The following MMP26 variants were observed in gnomAD, a reference collection of about 807,000 sequenced individuals.
MMP26 encodes matrix metalloproteinase-26.
In MMP26, 33 loss-of-function variants were observed where a neutral mutation model predicts 31.0. The ratio of observed to expected loss-of-function variants is 1.06; its 90% CI spans 0.81 to 1.42. MMP26 has a LOEUF of 1.42. MMP26 is among the 40% of genes most tolerant of loss of function. The probability of loss-of-function intolerance (pLI) is 0.00; values close to 1 mark genes in which losing one functional copy is unlikely to be tolerated. For missense variants in MMP26, 347 were observed against 316.1 expected, an observed-to-expected ratio of 1.10 and a Z score of -0.74; for synonymous variants, 122 against 114.9, an observed-to-expected ratio of 1.06 and a Z score of -0.40.
At chr11:4,829,555 T>G (rs1176646090) in intron 2 of MMP26, among the ~76,000 whole-genome samples, 2 of 152,212 alleles carry the variant, frequency 1.3e-5, no homozygotes, top group Non-Finnish European at 2.9e-5. Context: ...ACAATTTCCC[T>G]TCTGAACGTG....
At chr11:4,738,861 C>A (rs925293143) in intron 1 of MMP26, among the ~76,000 whole-genome samples, 1 of 152,034 alleles carries the variant, frequency 6.6e-6, no homozygotes. Flanking sequence ...TATATGTAGC[C>A]TTTTAAGGAA....
intron 2 of MMP26, among the ~76,000 whole-genome samples, chr11:4,968,584 A>G (rs1378991990): frequency 6.6e-6 from 1 of 151,996 alleles, no homozygotes; most frequent in Non-Finnish European, 1.5e-5. Context: ...CATAAATAGC[A>G]TAAAATGTAG....
At chr11:4,815,825 A>G (rs1474710877) in intron 2 of MMP26, among the ~76,000 whole-genome samples, 1 of 152,244 alleles carries the variant, frequency 6.6e-6, no homozygotes, top group Non-Finnish European at 1.5e-5. Flanking sequence ...ATATGGCCTC[A>G]GACAGGAGTG....
chr11:4,942,089 C>CAAAAAAAAA lies in MMP26; in HGVS notation c.-144-45966_-144-45958dup, dbSNP rs201626472. On this transcript the variant is annotated intron_variant, in intron 2 of 7. Transcript: ENST00000380390. The stretch of plus-strand genomic sequence containing the variant: ...TGGGCAGCAGAATGAGAGTCCATCT[C>CAAAAAAAAA]AAAAAAAAAAAAAAAAAAAAAGGAA... 1.0e-3 allele frequency among the ~76,000 whole-genome samples: 37 copies of CAAAAAAAAA among 37,118 alleles called. 2 individuals carry two copies. The highest frequency in any genetic ancestry group is 2.7e-3 in the African/African-American group (24 of 8,948). 24.4% of individuals were successfully genotyped at this position (37,118 alleles called of 152,430 possible). A position where few individuals can be genotyped will look rare whatever the true frequency, so the allele number is the denominator to read the frequency against.
intron 2 of MMP26, chr11:4,937,920 A>G (rs1028165931): frequency 6.6e-6 from 1 of 152,240 alleles, no homozygotes; most frequent in African/African-American, 2.4e-5. Context: ...GGATTGCCAC[A>G]TACCAGTCAA....
intron 1 of MMP26, among the ~76,000 whole-genome samples, chr11:4,733,560 T>C (rs1198728625): frequency 1.3e-5 from 2 of 152,188 alleles, no homozygotes; most frequent in African/African-American, 2.4e-5. Flanking sequence ...TTAGTTTTAA[T>C]ATTTAGTAGA....
intron 2 of MMP26, among the ~76,000 whole-genome samples, chr11:4,829,698 A>G (rs745629738): frequency 6.6e-6 from 1 of 152,190 alleles, no homozygotes; most frequent in Non-Finnish European, 1.5e-5. Context: ...CCTATGATAA[A>G]TTAGAGACCT....
At chr11:4,899,112 C>T (rs1193704203) in intron 2 of MMP26, among the ~76,000 whole-genome samples, 1 of 152,078 alleles carries the variant, frequency 6.6e-6, no homozygotes, top group Non-Finnish European at 1.5e-5. Flanking sequence ...GAGACAAGTT[C>T]ATTTTGATTA....
intron 1 of MMP26, chr11:4,711,443 A>T (rs1847861291): frequency 6.6e-6 from 1 of 152,206 alleles, no homozygotes; most frequent in South Asian, 2.1e-4. Flanking sequence ...CTTGCATTTT[A>T]TAAATGTTCA....
rs1351479945 is a variant in MMP26, at chr11:4,898,825, CTCTCTCTGTG to C, written c.-144-89241_-144-89232del. Among the ~76,000 whole-genome samples the C allele has an allele frequency of 2.3e-3, 118 of 51,002 alleles. 1 individual carries two copies. Among genetic ancestry groups the C allele is most frequent in the Non-Finnish European group, 2.1e-3 (57 of 26,830 alleles). The allele number at this position is 51,002 out of a possible 152,430, so 33.5% of individuals were successfully genotyped here. A position where few individuals can be genotyped will look rare whatever the true frequency, so the allele number is the denominator to read the frequency against. ...ATTTAAGAAATCTCTCTCTCTCTCT[CTCTCTCTGTG>C]TGTGTGTGTGTGTGTGTGTGTGTGT... is the stretch of plus-strand genomic sequence containing the variant. On this transcript the variant is annotated intron_variant, in intron 2 of 7. Transcript: ENST00000380390.
intron 2 of MMP26, among the ~76,000 whole-genome samples, chr11:4,884,812 C>CTA (rs1248085993): frequency 6.6e-6 from 1 of 151,994 alleles, no homozygotes; most frequent in African/African-American, 2.4e-5. Context: ...GCTAAAAAGC[C>CTA]TAATAGAAAC....
chr11:4,790,804 C>G (rs1849015797), intron 2 of MMP26, among the ~76,000 whole-genome samples: 1 of 152,120 alleles, frequency 6.6e-6, no homozygotes, highest in Admixed American at 6.5e-5. Context: ...CATGCCAACT[C>G]AATATTTCTT....
At chr11:4,779,414 T>G (rs1462749363) in intron 2 of MMP26, among the ~76,000 whole-genome samples, 1 of 152,100 alleles carries the variant, frequency 6.6e-6, no homozygotes, top group African/African-American at 2.4e-5. Context: ...TTGAAAGTTT[T>G]GCCTCTAAGT....
intron 2 of MMP26, chr11:4,945,387 A>G (rs1470213830): frequency 2.6e-5 from 4 of 152,222 alleles, no homozygotes; most frequent in Admixed American, 6.5e-5. Context: ...ATTAATGAGT[A>G]TCTGACGACG....
At chr11:4,945,706 A>C (rs1002042564) in intron 2 of MMP26, 2 of 206,498 alleles carry the variant, frequency 9.7e-6, no homozygotes, top group Non-Finnish European at 2.0e-5. Flanking sequence ...CCATGTAAAA[A>C]TCCAGCACAT....
intron 2 of MMP26, chr11:4,907,679 A>T: frequency 6.2e-7 from 1 of 1,613,990 alleles, no homozygotes; most frequent in Non-Finnish European, 8.5e-7. Flanking sequence ...AGAATTCTTC[A>T]TTCATGGATT....
intron 2 of MMP26, among the ~76,000 whole-genome samples, chr11:4,941,059 A>G (rs1486849577): frequency 2.2e-5 from 1 of 45,318 alleles, no homozygotes; most frequent in Non-Finnish European, 5.2e-5. Context: ...TAAATAAAGA[A>G]TGATTTTTTA....
rs554835647 is a variant in MMP26, at chr11:4,748,387, C to T, written c.-216-18883C>T. Reference sequence around the variant, plus strand: ...CACAGAAAGAAGAGTTGGTACCAATCCAACTAAAACTGTTCCAAAAAATCA... The same window carrying T: ...CACAGAAAGAAGAGTTGGTACCAATTCAACTAAAACTGTTCCAAAAAATCA... On this transcript the variant is annotated intron_variant, in intron 1 of 7. Coordinates refer to ENST00000380390, the MANE Select transcript of MMP26 (RefSeq NM_021801.5). Among the ~76,000 whole-genome samples the T allele has an allele frequency of 3.4e-4, 51 of 152,014 alleles. No individual in the cohort carries two copies. In the Middle Eastern group the frequency reaches 0.01, roughly 30 times the overall value.
intron 2 of MMP26, among the ~76,000 whole-genome samples, chr11:4,891,026 A>AT (rs1850613729): frequency 6.8e-6 from 1 of 147,332 alleles, no homozygotes; most frequent in South Asian, 2.1e-4. Flanking sequence ...AATAATAATA[A>AT]AAGTAAAAGG....
Sources: gnomAD v4.1 joint callset for allele counts (sites outside exome capture counted in the v4.1 genomes callset) on GRCh38, gnomAD v4.1.1 for gene constraint, MANE v1.5 for transcripts, NCBI Gene and HGNC (gene_info 2026-07-23, HGNC 2026-07-21) for gene names.